The following RHEX variants were observed in gnomAD, a reference collection of about 807,000 sequenced individuals.
The protein encoded by RHEX is regulator of hemoglobinization and erythroid cell expansion protein.
Under a neutral mutation model 20.1 loss-of-function variants are expected in RHEX, and 18 were observed. That is an observed-to-expected ratio of 0.90 (90% CI 0.62 to 1.33). The LOEUF (loss-of-function observed/expected upper bound fraction) is 1.33, where lower values mean the gene tolerates loss of function less well. RHEX is among the 40% of genes most tolerant of loss of function. The pLI, the probability that RHEX is intolerant of heterozygous loss-of-function variation, is 0.00. For synonymous variants in RHEX, 87 were observed against 77.1 expected (o/e 1.13, Z -0.67); for missense variants, 192 against 214.3 (o/e 0.90, Z 0.65).
At position 206,101,124 on chromosome 1, in the gene RHEX, A is replaced by C; in HGVS notation, c.257-12A>C. 1 of 1,608,930 alleles carries C rather than the reference A, an allele frequency of 6.2e-7. No individual in the cohort carries two copies. Among genetic ancestry groups the C allele is most frequent in the Non-Finnish European group, 8.5e-7 (1 of 1,177,908 alleles). The stretch of plus-strand genomic sequence containing the variant: ...TTGCTTTGGAAGAGGAACCGTTTCT[A>C]TTTCTCCCCAGATGACAGCGACACA... On this transcript the variant is annotated splice_polypyrimidine_tract_variant and intron_variant, in intron 4 of 5. Coordinates refer to ENST00000331555, the MANE Select transcript of RHEX (RefSeq NM_001007544.4).
At chr1:206,082,151 A>G (rs1301969503) in intron 1 of RHEX, among the ~76,000 whole-genome samples, 1 of 152,222 alleles carries the variant, frequency 6.6e-6, no homozygotes, top group Non-Finnish European at 1.5e-5. Flanking sequence ...GCTGTGATAC[A>G]TCAACGGGTC....
chr1:206,063,190 T>C (rs1662339731), intron 1 of RHEX, among the ~76,000 whole-genome samples: 1 of 151,572 alleles, frequency 6.6e-6, no homozygotes, highest in South Asian at 2.1e-4. Context: ...GGCCCTGAGG[T>C]AGACGTGTAC....
intron 1 of RHEX, among the ~76,000 whole-genome samples, chr1:206,066,142 C>T (rs1662418103): frequency 1.3e-5 from 2 of 152,254 alleles, no homozygotes; most frequent in South Asian, 4.1e-4. Context: ...TGGAGAATCC[C>T]TCCAGAGCCC....
intron 1 of RHEX, among the ~76,000 whole-genome samples, chr1:206,073,131 C>T (rs1375797716): frequency 1.3e-5 from 2 of 152,158 alleles, no homozygotes; most frequent in African/African-American, 4.8e-5. Context: ...AGCCACCATG[C>T]CTGGCTCCTC....
Position 206,101,343 on chromosome 1 carries a change from G to C in RHEX, c.318+146G>C, listed in dbSNP as rs539281769. 198 of 663,732 alleles carry C rather than the reference G, an allele frequency of 3.0e-4. 6 individuals are homozygous for C. The highest frequency in any genetic ancestry group is 2.8e-3 in the South Asian group (149 of 52,814). 41.1% of individuals were successfully genotyped at this position (663,732 alleles called of 1,614,324 possible). ...AGTCATCACAGCATCCTCAGGTGAG[G>C]GGGGGTCAGGCTTCCACCCATAACC... On this transcript the variant is annotated intron_variant, in intron 5 of 5. Transcript: ENST00000331555.
chr1:206,068,127 C>T (rs782772890), intron 1 of RHEX, among the ~76,000 whole-genome samples: 2 of 152,188 alleles, frequency 1.3e-5, no homozygotes, highest in African/African-American at 2.4e-5. Flanking sequence ...CTGCTGTACA[C>T]CTGTTGGCCA....
chr1:206,096,780 GGT>G (rs1663079284), intron 1 of RHEX, among the ~76,000 whole-genome samples: 1 of 73,108 alleles, frequency 1.4e-5, no homozygotes, highest in Non-Finnish European at 2.6e-5. Context: ...TTTTTTTTTT[GGT>G]TTTTTTTTTT....
chr1:206,101,747 C>A lies in RHEX; in HGVS notation c.319-5C>A. On this transcript the variant is annotated splice_region_variant and splice_polypyrimidine_tract_variant and intron_variant, in intron 5 of 5. Transcript: ENST00000331555. ...TGACCCACATGTCTCTGCTTTTCTC[C>A]TAAGGCCACAGAGGATGTGGATTAC... The A allele has an allele frequency of 6.2e-7, 1 of 1,610,168 alleles. No individual in the cohort carries two copies. The highest frequency in any genetic ancestry group is 8.5e-7 in the Non-Finnish European group (1 of 1,177,778).
intron 1 of RHEX, among the ~76,000 whole-genome samples, chr1:206,088,456 G>A (rs917483879): frequency 1.3e-5 from 2 of 152,178 alleles, no homozygotes; most frequent in Non-Finnish European, 2.9e-5. Context: ...ATTGAGGTGG[G>A]TGGATCACTT....
chr1:206,075,695 G>C (rs1332656768), intron 1 of RHEX, among the ~76,000 whole-genome samples: 1 of 151,834 alleles, frequency 6.6e-6, no homozygotes, highest in Non-Finnish European at 1.5e-5. Context: ...CCACCTCCTG[G>C]GTTCAAGCGA....
intron 1 of RHEX, among the ~76,000 whole-genome samples, chr1:206,055,839 G>GGTTAAC (rs1553282543): frequency 6.6e-6 from 1 of 152,268 alleles, no homozygotes; most frequent in African/African-American, 2.4e-5. Flanking sequence ...TAGGGCCCTG[G>GGTTAAC]CCAAGGCCAG....
At chr1:206,054,128 A>C (rs78926485) in intron 1 of RHEX, among the ~76,000 whole-genome samples, 3 of 2,880 alleles carry the variant, frequency 1.0e-3, no homozygotes, top group South Asian at 8.5e-3. Context: ...GTTATCTTCA[A>C]AAAAAAAAAA....
In RHEX at chr1:206,067,915, C is replaced by T. The variant is rs1474141831; in HGVS notation, c.-97+14650C>T. ...TTGCACCTGCAACAGATGACAGCTA[C>T]TTCTGTCTTCTAAGGAGGGTGGAAT... is the stretch of plus-strand genomic sequence containing the variant. On this transcript the variant is annotated intron_variant, in intron 1 of 5. Transcript: ENST00000331555. This position sits in a 1 kb window ranked among gnomAD's most constrained non-coding sequence, Gnocchi z 4.6. 1.3e-5 allele frequency among the ~76,000 whole-genome samples: 2 copies of T among 152,196 alleles called. No individual in the cohort carries two copies. Among genetic ancestry groups the T allele is most frequent in the African/African-American group, 4.8e-5 (2 of 41,442 alleles).
At chr1:206,063,423 C>T (rs1351790881) in intron 1 of RHEX, among the ~76,000 whole-genome samples, 3 of 152,176 alleles carry the variant, frequency 2.0e-5, no homozygotes, top group South Asian at 2.1e-4. Context: ...CTCTTTCCAC[C>T]GTCTCCCTCT....
Position 206,102,036 on chromosome 1 carries a change from C to T in RHEX, c.*84C>T. ...GGAAATGCCATTTTTCCCCCTTAAA[C>T]AAGGCATGGGGCTCACAAGTCTATG... On this transcript the variant is annotated 3_prime_UTR_variant, in exon 6 of 6. Coordinates refer to ENST00000331555, the MANE Select transcript of RHEX (RefSeq NM_001007544.4). 1 of 1,129,698 alleles carries T rather than the reference C, an allele frequency of 8.9e-7. No homozygotes were observed. Among genetic ancestry groups the T allele is most frequent in the Non-Finnish European group, 1.3e-6 (1 of 754,610 alleles). The allele number at this position is 1,129,698 out of a possible 1,614,324, so 70.0% of individuals were successfully genotyped here. A position where few individuals can be genotyped will look rare whatever the true frequency, so the allele number is the denominator to read the frequency against.
chr1:206,080,376 T>C (rs1255051797), intron 1 of RHEX: 1 of 152,166 alleles, frequency 6.6e-6, no homozygotes, highest in Non-Finnish European at 1.5e-5. Flanking sequence ...CATTCCCTAC[T>C]TTAAAATAGA....
intron 1 of RHEX, among the ~76,000 whole-genome samples, chr1:206,083,232 G>A (rs1202299010): frequency 5.3e-5 from 8 of 152,200 alleles, no homozygotes; most frequent in African/African-American, 1.7e-4. Context: ...AGCTCATGTG[G>A]CACATTGGTG....
chr1:206,082,843 C>A (rs1553286074), intron 1 of RHEX, among the ~76,000 whole-genome samples: 1 of 151,868 alleles, frequency 6.6e-6, no homozygotes, highest in African/African-American at 2.4e-5. Flanking sequence ...GCCTACAAAT[C>A]TCTGTTTTCT....
rs1403779478 is a variant in RHEX at position 206,072,295 on chromosome 1, G to C, written c.-97+19030G>C. Among the ~76,000 whole-genome samples, 4 of 152,198 alleles carry C rather than the reference G, an allele frequency of 2.6e-5. No individual in the cohort carries two copies. The South Asian group carries it at 8.3e-4, about 31-fold the overall frequency. Reference sequence around the variant, plus strand: ...GATTCTTGTTTTTATAAGAGAATGGGCCGGGCGCGGTTGTTCACGCCTATA... The same window carrying C: ...GATTCTTGTTTTTATAAGAGAATGGCCCGGGCGCGGTTGTTCACGCCTATA... On this transcript the variant is annotated intron_variant, in intron 1 of 5. Coordinates refer to ENST00000331555, the MANE Select transcript of RHEX (RefSeq NM_001007544.4).
Sources: gnomAD v4.1 joint callset for allele counts (sites outside exome capture counted in the v4.1 genomes callset) on GRCh38, gnomAD v4.1.1 for gene constraint, Gnocchi (gnomAD v3.1) non-coding constraint, MANE v1.5 for transcripts, NCBI Gene and HGNC (gene_info 2026-07-23, HGNC 2026-07-21) for gene names.